Variants in PIH1D1 observed in about 807,000 individuals in gnomAD.
PIH1D1 encodes the protein PIH1 domain-containing protein 1.
PIH1D1 carries 28 observed loss-of-function variants against 38.5 expected under a neutral mutation model. That is an observed-to-expected ratio of 0.73 (90% CI 0.54 to 1.00). The LOEUF is 1.00. PIH1D1 is among the 50% of genes least tolerant of loss of function. The probability of loss-of-function intolerance (pLI) is 0.00; values close to 1 mark genes in which losing one functional copy is unlikely to be tolerated. For missense variants in PIH1D1, 343 were observed against 369.9 expected (o/e 0.93, Z 0.60); for synonymous variants, 155 against 153.5 (o/e 1.01, Z -0.07).
chr19:49,451,597 C>T lies in PIH1D1; in HGVS notation c.-23G>A, dbSNP rs376367541. 52 of 1,610,956 alleles carry T rather than the reference C, an allele frequency of 3.2e-5. No homozygotes were observed. Among genetic ancestry groups the T allele is most frequent in the Non-Finnish European group, 3.8e-5 (45 of 1,179,646 alleles). On this transcript the variant is annotated 5_prime_UTR_variant, in exon 1 of 9. Coordinates refer to ENST00000262265, the MANE Select transcript of PIH1D1 (RefSeq NM_017916.3). The stretch of plus-strand genomic sequence containing the variant: ...CATGGCCCTGGGAAAGAGATCTAGG[C>T]GTCCTCGAGACCCTCAACGTGGGAA...
chr19:49,448,340 G>T, intron 3 of PIH1D1: 1 of 492,390 alleles, frequency 2.0e-6, no homozygotes. Flanking sequence ...CCCAAGTGAA[G>T]GTCTGAGCCC....
At position 49,451,734 on chromosome 19, in the gene PIH1D1, G is replaced by A; in HGVS notation, c.-160C>T. 7.0e-7 allele frequency: 1 copy of A among 1,427,554 alleles called. No homozygotes were observed. Among genetic ancestry groups the A allele is most frequent in the South Asian group, 1.5e-5 (1 of 67,382 alleles). 88.4% of individuals were successfully genotyped at this position (1,427,554 alleles called of 1,614,324 possible). A position where few individuals can be genotyped will look rare whatever the true frequency, so the allele number is the denominator to read the frequency against. The stretch of plus-strand genomic sequence containing the variant: ...GGCCTAAGACTACATTTCCATTCAA[G>A]ACCGAACACCATCGTCAAATCCGTG... On this transcript the variant is annotated 5_prime_UTR_variant, in exon 1 of 9. Coordinates refer to ENST00000262265, the MANE Select transcript of PIH1D1 (RefSeq NM_017916.3).
intron 3 of PIH1D1, chr19:49,449,201 C>CAGG (rs1311201186): frequency 1.6e-6 from 1 of 608,642 alleles, no homozygotes; most frequent in African/African-American, 1.8e-5. Flanking sequence ...GGACTAAAGC[C>CAGG]AGGAGATCCG....
intron 5 of PIH1D1, 164 bp from the exon 6 acceptor site, chr19:49,447,631 C>T (rs773510967): frequency 9.5e-6 from 9 of 943,370 alleles, no homozygotes; most frequent in Non-Finnish European, 1.4e-5. Flanking sequence ...TCACGCCCCT[C>T]CCATGATATG....
chr19:49,447,124 T>A lies in PIH1D1; in HGVS notation c.612-25A>T, dbSNP rs371927961. On this transcript the variant is annotated intron_variant, in intron 6 of 8. Coordinates refer to ENST00000262265, the MANE Select transcript of PIH1D1 (RefSeq NM_017916.3). ...CCTGAGGAGGAACAAGGTCCAGGGC[T>A]GAGCACAGCTGCCAGGTCTTTGCCT... 20 of 1,586,290 alleles carry A rather than the reference T, an allele frequency of 1.3e-5. No homozygotes were observed. The African/African-American group carries it at 2.7e-4, about 22-fold the overall frequency.
chr19:49,447,658 CCCTGGAGATGTT>C, intron 5 of PIH1D1, 157 bp downstream of exon 5: 1 of 932,564 alleles, frequency 1.1e-6, no homozygotes, highest in East Asian at 2.5e-5. Flanking sequence ...TAAAACCCAC[CCCTGGAGATGTT>C]CCTGGCCCCG....
intron 5 of PIH1D1, 115 bp from the exon 6 acceptor site, chr19:49,447,582 A>T: frequency 3.0e-6 from 4 of 1,316,494 alleles, no homozygotes; most frequent in Non-Finnish European, 4.2e-6. Flanking sequence ...GTCTGACCAC[A>T]CCCCGCAGGC....
chr19:49,446,917 A>C lies in PIH1D1; in HGVS notation c.687+107T>G. ...GCCTGTGGGCCTCCTGGCAGAGAGG[A>C]CGCAACTGACAAGTCCAGCAACAAC... On this transcript the variant is annotated intron_variant, in intron 7 of 8. Coordinates refer to ENST00000262265, the MANE Select transcript of PIH1D1 (RefSeq NM_017916.3). 3.5e-6 allele frequency: 4 copies of C among 1,146,856 alleles called. No homozygotes were observed. In the South Asian group the frequency reaches 5.1e-5, roughly 15 times the overall value. The allele number at this position is 1,146,856 out of a possible 1,614,324, so 71.0% of individuals were successfully genotyped here.
At chr19:49,446,814 C>G (rs756700445) in intron 7 of PIH1D1, 120 bp from the exon 8 acceptor site, 112 of 1,203,880 alleles carry the variant, frequency 9.3e-5, no homozygotes, top group Non-Finnish European at 1.3e-4. Context: ...CAGGAAGAGA[C>G]AGAAGACAGC....
intron 1 of PIH1D1, 116 bp from the exon 2 acceptor site, chr19:49,450,964 C>T (rs1197324415): frequency 2.5e-6 from 4 of 1,576,372 alleles, no homozygotes; most frequent in African/African-American, 1.4e-5. Context: ...AGAAATTAGA[C>T]GGTTTAGGTC....
chr19:49,451,379 G>A (rs763940822), intron 1 of PIH1D1, 106 bp downstream of exon 1: 7 of 1,511,670 alleles, frequency 4.6e-6, no homozygotes, highest in Non-Finnish European at 5.4e-6. Context: ...TCAATTCCCC[G>A]AGGCCTGGTT....
intron 5 of PIH1D1, 110 bp downstream of exon 5, chr19:49,447,717 A>C (rs2079033139): frequency 1.7e-6 from 2 of 1,169,492 alleles, no homozygotes; most frequent in Admixed American, 3.5e-5. Context: ...CCCTCCTAGT[A>C]GCACAGACTC....
rs200669586 is a variant in PIH1D1 at position 49,446,708 on chromosome 19, G to A, written c.688-14C>T. On this transcript the variant is annotated splice_polypyrimidine_tract_variant and intron_variant, in intron 7 of 8. Coordinates refer to ENST00000262265, the MANE Select transcript of PIH1D1 (RefSeq NM_017916.3). ...CAGGGCTCCATCCTGGAGAGGTGGC[G>A]GAATCAGGTCACCCTCCCCAGCAAC... The A allele has an allele frequency of 2.5e-5, 38 of 1,538,332 alleles. No individual in the cohort carries two copies. The Admixed American group carries it at 4.2e-4, about 17-fold the overall frequency.
At chr19:49,449,167 A>G (rs1376078837) in intron 3 of PIH1D1, 2 of 478,538 alleles carry the variant, frequency 4.2e-6, no homozygotes, top group East Asian at 9.1e-5. Flanking sequence ...GAAAGAAAGA[A>G]AAAAGAAGGA....
Position 49,451,010 on chromosome 19 carries a change from A to AC in PIH1D1, c.91-163dup, listed in dbSNP as rs2095072399. The stretch of plus-strand genomic sequence containing the variant: ...TTTGAGAACTAGAAGAACAACCCCA[A>AC]CCCCATTCCCATTTCTTTTTTTTTT... On this transcript the variant is annotated intron_variant, in intron 1 of 8. Coordinates refer to ENST00000262265, the MANE Select transcript of PIH1D1 (RefSeq NM_017916.3). 6 of 1,143,706 alleles carry AC rather than the reference A, an allele frequency of 5.2e-6. No homozygotes were observed. In the Admixed American group the frequency reaches 1.2e-4, roughly 23 times the overall value. 70.8% of individuals were successfully genotyped at this position (1,143,706 alleles called of 1,614,324 possible).
At chr19:49,451,026 T>A (rs2079055717) in intron 1 of PIH1D1, 178 bp from the exon 2 acceptor site, 562 of 39,034 alleles carry the variant, frequency 0.014, no homozygotes, top group Non-Finnish European at 0.02. Flanking sequence ...TTCCCATTTC[T>A]TTTTTTTTTT....
At position 49,447,853 on chromosome 19, in the gene PIH1D1, TC is replaced by T; in HGVS notation, c.454del (p.Asp152ThrfsTer7). 2 of 1,614,136 alleles carry T rather than the reference TC, an allele frequency of 1.2e-6. No individual in the cohort carries two copies. The highest frequency in any genetic ancestry group is 2.2e-5 in the South Asian group (2 of 91,084). ...VITIAREGLE[D>X]KYNLQLNPEW... is the part of the protein sequence containing the mutation. Reference sequence around the variant, plus strand: ...CGGATTCAGCTGCAAGTTGTATTTGTCCTCAAGGCCCTCCCTGGCGATGGTG... The same window carrying T: ...CGGATTCAGCTGCAAGTTGTATTTGTCTCAAGGCCCTCCCTGGCGATGGTG... On this transcript the variant is annotated frameshift_variant, in exon 5 of 9. Coordinates refer to ENST00000262265, the MANE Select transcript of PIH1D1 (RefSeq NM_017916.3). LOFTEE classifies it high-confidence loss of function.
In PIH1D1 at chr19:49,447,347, G is replaced by C. The variant is rs201292759; in HGVS notation, c.602C>G (p.Ala201Gly). ...TCTACCGAAGGCCCACCCTGACTCA[G>C]CTCTCCCGGGGGCGGGCGTGTACAG... ...GDLYTPAPGR[A>G]ESGPEKPHLN... Residue 201 changes from alanine (A) to glycine (G), a missense_variant, in exon 6 of 9, where the codon GCT (alanine) becomes GGT (glycine). Physicochemically the swap from Ala to Gly is moderately conservative, Grantham distance 60 (BLOSUM62 0). Coordinates refer to ENST00000262265, the MANE Select transcript of PIH1D1 (RefSeq NM_017916.3). The C allele has an allele frequency of 8.7e-6, 14 of 1,613,928 alleles. No individual in the cohort carries two copies. The highest frequency in any genetic ancestry group is 1.2e-5 in the Non-Finnish European group (14 of 1,179,974).
chr19:49,446,713 C>T lies in PIH1D1; in HGVS notation c.688-19G>A, dbSNP rs2079025591. 6.5e-7 allele frequency: 1 copy of T among 1,536,308 alleles called. No individual in the cohort carries two copies. The highest frequency in any genetic ancestry group is 8.7e-7 in the Non-Finnish European group (1 of 1,144,188). On this transcript the variant is annotated intron_variant, in intron 7 of 8. Transcript: ENST00000262265. ...CTCCATCCTGGAGAGGTGGCGGAAT[C>T]AGGTCACCCTCCCCAGCAACAGGAT...
Sources: gnomAD v4.1 joint callset for allele counts on GRCh38, gnomAD v4.1.1 for gene constraint, MANE v1.5 for transcripts, NCBI Gene and HGNC (gene_info 2026-07-23, HGNC 2026-07-21) for gene names.